The following ERBB4 variants were observed in gnomAD, a reference collection of about 807,000 sequenced individuals.
ERBB4 encodes receptor tyrosine-protein kinase erbB-4.
A neutral mutation model predicts 158.0 loss-of-function variants in ERBB4; 42 were observed. The ratio of observed to expected loss-of-function variants is 0.27; its 90% confidence interval spans 0.21 to 0.34. The LOEUF (loss-of-function observed/expected upper bound fraction) is 0.34. Among genes scored for constraint, ERBB4 ranks in the 10% least tolerant of loss-of-function variants. The pLI is 1.00. For missense variants in ERBB4, 1,333 were observed against 1,624.1 expected (o/e 0.82, Z 3.08); for synonymous variants, 583 against 558.7 (o/e 1.04, Z -0.61).
intron 9 of ERBB4, among the ~76,000 whole-genome samples, chr2:211,705,921 T>C (rs1206775706): frequency 6.6e-6 from 1 of 152,144 alleles, no homozygotes; most frequent in East Asian, 1.9e-4. Context: ...ATTTATAACA[T>C]TGTCCAGAAG....
At chr2:211,613,603 G>A (rs989079758) in intron 19 of ERBB4, among the ~76,000 whole-genome samples, 2 of 151,960 alleles carry the variant, frequency 1.3e-5, no homozygotes, top group African/African-American at 4.8e-5. Context: ...AATGTGGGCA[G>A]AAGACTTGAA....
intron 1 of ERBB4, among the ~76,000 whole-genome samples, chr2:212,507,048 C>G (rs1691230963): frequency 6.6e-6 from 1 of 152,142 alleles, no homozygotes; most frequent in Non-Finnish European, 1.5e-5. Flanking sequence ...GAGGCCAATG[C>G]TCATTTACCA....
intron 1 of ERBB4, among the ~76,000 whole-genome samples, chr2:212,166,062 T>C (rs1005443488): frequency 1.3e-5 from 2 of 151,998 alleles, no homozygotes; most frequent in Non-Finnish European, 2.9e-5. Flanking sequence ...CAATCATTTT[T>C]TTTTCAAATT....
At chr2:212,317,850 A>G (rs2087363244) in intron 1 of ERBB4, among the ~76,000 whole-genome samples, 1 of 151,562 alleles carries the variant, frequency 6.6e-6, no homozygotes. Context: ...AATTCTTTAA[A>G]TAAATTAACC....
chr2:211,972,286 C>T (rs2081475862), intron 2 of ERBB4, among the ~76,000 whole-genome samples: 1 of 152,234 alleles, frequency 6.6e-6, no homozygotes, highest in Non-Finnish European at 1.5e-5. Context: ...ATTCCATGCT[C>T]ATGGATAGGA....
chr2:211,577,944 T>C lies in ERBB4; in HGVS notation c.2302-15856A>G, dbSNP rs201364109. Among the ~76,000 whole-genome samples, 22 of 152,294 alleles carry C rather than the reference T, an allele frequency of 1.4e-4. No individual in the cohort carries two copies. The East Asian group carries it at 4.2e-3, about 29-fold the overall frequency. On this transcript the variant is annotated intron_variant, in intron 19 of 27. Transcript: ENST00000342788. ...CTCATCATTCCTATTCAACATAGTA[T>C]TGGAAGTTCTGGCCAGGGCAATCAG...
chr2:211,957,537 T>G (rs2081067390), intron 2 of ERBB4, among the ~76,000 whole-genome samples: 1 of 152,154 alleles, frequency 6.6e-6, no homozygotes, highest in Non-Finnish European at 1.5e-5. Flanking sequence ...AGCAGTATTA[T>G]GTTGGGTACA....
chr2:211,914,321 T>C (rs1339412604), intron 3 of ERBB4, among the ~76,000 whole-genome samples: 1 of 151,986 alleles, frequency 6.6e-6, no homozygotes. Flanking sequence ...TGTCCACTGG[T>C]AATTGAAGTA....
chr2:211,717,196 T>C (rs979014834), intron 7 of ERBB4, among the ~76,000 whole-genome samples: 1 of 152,178 alleles, frequency 6.6e-6, no homozygotes, highest in South Asian at 2.1e-4. Flanking sequence ...TAGGTAGTAG[T>C]ATAATGCGCT....
chr2:211,779,615 C>T (rs2075984714), intron 4 of ERBB4: 1 of 152,180 alleles, frequency 6.6e-6, no homozygotes, highest in Admixed American at 6.5e-5. Flanking sequence ...ATCTCACTAA[C>T]AGCAGTTATA....
intron 2 of ERBB4, among the ~76,000 whole-genome samples, chr2:211,992,982 G>A (rs111261058): frequency 0.028 from 4,220 of 152,312 alleles, 73 homozygotes; most frequent in Middle Eastern, 0.048. Context: ...TCAACTACCT[G>A]TCCTCTGCTC....
intron 20 of ERBB4, among the ~76,000 whole-genome samples, chr2:211,521,019 T>C (rs1404454726): frequency 6.6e-6 from 1 of 152,112 alleles, no homozygotes; most frequent in African/African-American, 2.4e-5. Flanking sequence ...TCCTATCCCC[T>C]GACATACAGA....
intron 19 of ERBB4, among the ~76,000 whole-genome samples, chr2:211,595,721 T>G (rs923931755): frequency 6.6e-6 from 1 of 152,202 alleles, no homozygotes; most frequent in Non-Finnish European, 1.5e-5. Flanking sequence ...TCAATACAGC[T>G]GACCCTCTGT....
At chr2:211,750,602 A>G in intron 5 of ERBB4, 37 bp downstream of exon 5, 1 of 1,563,074 alleles carries the variant, frequency 6.4e-7, no homozygotes, top group Non-Finnish European at 8.8e-7. Flanking sequence ...TTCCTTGACC[A>G]CATCAAACCT....
At chr2:211,436,092 G>A (rs1360087911) in intron 20 of ERBB4, among the ~76,000 whole-genome samples, 7 of 152,058 alleles carry the variant, frequency 4.6e-5, no homozygotes, top group Non-Finnish European at 8.8e-5. Flanking sequence ...AAAGTGTTGG[G>A]ATTACAGGCA....
intron 3 of ERBB4, among the ~76,000 whole-genome samples, chr2:211,926,505 C>T (rs2125089046): frequency 6.6e-6 from 1 of 152,228 alleles, no homozygotes; most frequent in South Asian, 2.1e-4. Flanking sequence ...CATTTTATCT[C>T]AGTAACTAGC....
At chr2:211,743,498 A>G (rs764630447) in intron 5 of ERBB4, among the ~76,000 whole-genome samples, 44 of 152,312 alleles carry the variant, frequency 2.9e-4, no homozygotes, top group Middle Eastern at 3.4e-3. Flanking sequence ...TCTACTTTAA[A>G]TGAGATAAGT....
intron 3 of ERBB4, among the ~76,000 whole-genome samples, chr2:211,929,494 G>GTGA (rs2080114125): frequency 6.6e-6 from 1 of 152,066 alleles, no homozygotes; most frequent in Admixed American, 6.6e-5. Context: ...TTCTCCCCAT[G>GTGA]TGATGCCTTT....
intron 20 of ERBB4, among the ~76,000 whole-genome samples, chr2:211,559,781 A>G (rs1308205312): frequency 6.6e-6 from 1 of 152,214 alleles, no homozygotes; most frequent in East Asian, 1.9e-4. Flanking sequence ...ACCTCAGTCA[A>G]CATCGTATCT....
Sources: gnomAD v4.1 joint callset for allele counts (sites outside exome capture counted in the v4.1 genomes callset) on GRCh38, gnomAD v4.1.1 for gene constraint, MANE v1.5 for transcripts, NCBI Gene and HGNC (gene_info 2026-07-23, HGNC 2026-07-21) for gene names.